The following EFHC2 variants were observed in gnomAD, a reference collection of about 807,000 sequenced individuals.
EFHC2 encodes the protein EF-hand domain-containing family member C2.
Under a neutral mutation model 52.7 loss-of-function variants are expected in EFHC2, and 18 were observed. The observed-to-expected ratio is 0.34, with a 90% CI of 0.24 to 0.51. EFHC2 has a LOEUF of 0.51. Among genes scored for constraint, EFHC2 ranks in the 20% least tolerant of loss-of-function variants. The pLI, the probability that EFHC2 is intolerant of heterozygous loss-of-function variation, is 0.97. For missense variants in EFHC2, 513 were observed against 562.5 expected, an observed-to-expected ratio of 0.91 and a Z score of 0.89; for synonymous variants, 203 against 204.1, an observed-to-expected ratio of 0.99 and a Z score of 0.04.
At chrX:44,196,235 A>G (rs1166964226) in intron 11 of EFHC2, among the ~76,000 whole-genome samples, 1 of 111,537 alleles carries the variant, frequency 9.0e-6, no homozygotes, top group African/African-American at 3.3e-5. Flanking sequence ...CTTTATGAAC[A>G]CCATGAACGG....
chrX:44,310,487 C>G, intron 2 of EFHC2: 2 of 563,695 alleles, frequency 3.5e-6, no homozygotes, highest in Non-Finnish European at 5.3e-6. Flanking sequence ...GGTGGTAGCG[C>G]GGCAAAGGAG....
chrX:44,177,914 G>A (rs182636125), intron 12 of EFHC2, among the ~76,000 whole-genome samples: 2 of 108,310 alleles, frequency 1.8e-5, no homozygotes, highest in Admixed American at 1.0e-4. Flanking sequence ...CCCCTATTCC[G>A]TCAACAAGAC....
intron 11 of EFHC2, among the ~76,000 whole-genome samples, chrX:44,215,546 T>G (rs2037139491): frequency 4.0e-5 from 4 of 100,214 alleles, no homozygotes; most frequent in Non-Finnish European, 8.2e-5. Context: ...GGGTGGTGGG[T>G]GTTGGAAGGG....
At chrX:44,295,076 A>C (rs1381817893) in intron 2 of EFHC2, among the ~76,000 whole-genome samples, 3 of 112,080 alleles carry the variant, frequency 2.7e-5, no homozygotes, top group Non-Finnish European at 5.6e-5. Context: ...ACACAGTCTC[A>C]AAGTAAGAGA....
At chrX:44,340,852 A>G (rs1363038151) in intron 1 of EFHC2, among the ~76,000 whole-genome samples, 2 of 112,206 alleles carry the variant, frequency 1.8e-5, no homozygotes, top group African/African-American at 6.5e-5. Flanking sequence ...CAGGAACATA[A>G]AATGCTGTTG....
intron 11 of EFHC2, among the ~76,000 whole-genome samples, chrX:44,195,384 G>A (rs1048318009): frequency 9.0e-6 from 1 of 111,592 alleles, no homozygotes; most frequent in Non-Finnish European, 1.9e-5. Context: ...GCCAACCCAC[G>A]GACCTGTAAG....
chrX:44,327,696 T>TAG (rs771009060), intron 1 of EFHC2, among the ~76,000 whole-genome samples: 3 of 111,861 alleles, frequency 2.7e-5, no homozygotes, highest in African/African-American at 9.7e-5. Context: ...GCCTCAGGTA[T>TAG]AGTGGGATCT....
At chrX:44,333,288 G>A (rs1175146081) in intron 1 of EFHC2, among the ~76,000 whole-genome samples, 2 of 111,458 alleles carry the variant, frequency 1.8e-5, no homozygotes, top group Non-Finnish European at 3.8e-5. Flanking sequence ...GATCGGGGAA[G>A]GCTTTAATGA....
chrX:44,178,308 C>T, intron 12 of EFHC2, 59 bp downstream of exon 12: 1 of 1,037,223 alleles, frequency 9.6e-7, no homozygotes, highest in Non-Finnish European at 1.3e-6. Context: ...ATAGAAATTC[C>T]TTCATTACTC....
intron 11 of EFHC2, among the ~76,000 whole-genome samples, chrX:44,214,840 A>G (rs967582373): frequency 1.8e-5 from 2 of 112,283 alleles, no homozygotes; most frequent in Non-Finnish European, 1.9e-5. Context: ...AATGACAGCA[A>G]TGATACAAGA....
At chrX:44,312,867 A>G in intron 1 of EFHC2, 111 bp from the exon 2 acceptor site, 1 of 745,159 alleles carries the variant, frequency 1.3e-6, no homozygotes, top group Non-Finnish European at 1.9e-6. Context: ...CCCTCACAAA[A>G]TGCAAATAAA....
At chrX:44,266,607 T>C (rs1387125008) in intron 3 of EFHC2, among the ~76,000 whole-genome samples, 1 of 111,299 alleles carries the variant, frequency 9.0e-6, no homozygotes, top group African/African-American at 3.3e-5. Flanking sequence ...AGTGCTGGGA[T>C]TACAGGTGTA....
At chrX:44,234,497 T>C (rs1398152809) in intron 9 of EFHC2, among the ~76,000 whole-genome samples, 1 of 112,318 alleles carries the variant, frequency 8.9e-6, no homozygotes, top group African/African-American at 3.2e-5. Context: ...GACAGTTGAA[T>C]TTTCAGAGAT....
intron 11 of EFHC2, among the ~76,000 whole-genome samples, chrX:44,204,892 A>C (rs1210956637): frequency 1.8e-5 from 2 of 111,581 alleles, no homozygotes; most frequent in Non-Finnish European, 3.8e-5. Context: ...CTTCTGCAGA[A>C]TGCTATACAA....
At position 44,326,173 on chromosome X, in the gene EFHC2, C is replaced by T. The variant is rs1205010546; in HGVS notation, c.43-13417G>A. On this transcript the variant is annotated intron_variant, in intron 1 of 14. Coordinates refer to ENST00000420999, the MANE Select transcript of EFHC2 (RefSeq NM_025184.4). ...CCTCCCAAAGTGCTGGGATTACAGA[C>T]ATGAGCCACCATGTCTGGCCACATT... Among the ~76,000 whole-genome samples the T allele has an allele frequency of 2.7e-5, 3 of 110,231 alleles. No homozygotes were observed. In the Admixed American group the frequency reaches 2.9e-4, roughly 11 times the overall value.
intron 1 of EFHC2, among the ~76,000 whole-genome samples, chrX:44,327,804 C>T (rs750201092): frequency 6.3e-5 from 7 of 111,620 alleles, no homozygotes; most frequent in Non-Finnish European, 9.4e-5. Flanking sequence ...TAAAAAGGCA[C>T]GTCAAAGAAA....
Position 44,163,978 on chromosome X carries a change from G to A in EFHC2, c.2092C>T (p.Leu698=), listed in dbSNP as rs1382285898. ...GGCACTGGATTCTTTCTCCAGTTCA[G>A]GGCAGAGAAAAATGACTTATAATCT... ...QIDYKSFFSA[L]NWRKNPVPEL... The change falls in exon 14 of 15, where the codon CTG becomes TTG. Residue 698 remains leucine (L), a synonymous_variant. Coordinates refer to ENST00000420999, the MANE Select transcript of EFHC2 (RefSeq NM_025184.4). 1 of 1,165,139 alleles carries A rather than the reference G, an allele frequency of 8.6e-7. No homozygotes were observed. Among genetic ancestry groups the A allele is most frequent in the Admixed American group, 2.5e-5 (1 of 40,625 alleles).
chrX:44,232,866 G>C (rs752386152), intron 9 of EFHC2, among the ~76,000 whole-genome samples, 189 bp from the exon 10 acceptor site: 2 of 111,144 alleles, frequency 1.8e-5, no homozygotes, highest in Non-Finnish European at 3.8e-5. Flanking sequence ...CCTAGGTGAG[G>C]ATGTTCAAGA....
At chrX:44,311,393 C>T (rs1239227243) in intron 2 of EFHC2, among the ~76,000 whole-genome samples, 4 of 111,979 alleles carry the variant, frequency 3.6e-5, no homozygotes, top group Non-Finnish European at 7.5e-5. Context: ...CCAACCAATC[C>T]ATGTTAAAAG....
Sources: allele counts gnomAD v4.1 joint callset (sites outside exome capture counted in the v4.1 genomes callset), GRCh38; gene constraint gnomAD v4.1.1; transcripts MANE v1.5; gene names NCBI Gene and HGNC (gene_info 2026-07-23, HGNC 2026-07-21).